The following OTOF variants were observed in gnomAD, a reference collection of about 807,000 sequenced individuals.
The protein encoded by OTOF is fer-1-like family member 2.
In OTOF, 218 loss-of-function variants were observed where a neutral mutation model predicts 236.8. The ratio of observed to expected loss-of-function variants is 0.92; its 90% CI spans 0.82 to 1.03. OTOF has a LOEUF of 1.03. Among genes scored for constraint, OTOF ranks in the 50% least tolerant of loss-of-function variants. The pLI is 0.00. For synonymous variants in OTOF, 1,041 were observed against 1,072.5 expected, an observed-to-expected ratio of 0.97 and a Z score of 0.57; for missense variants, 2,590 against 2,694.4, an observed-to-expected ratio of 0.96 and a Z score of 0.86.
intron 11 of OTOF, among the ~76,000 whole-genome samples, chr2:26,487,892 G>T (rs1469394317): frequency 6.6e-6 from 1 of 152,242 alleles, no homozygotes; most frequent in Non-Finnish European, 1.5e-5. Context: ...GAGGGCTATG[G>T]CATGTGTGGG....
intron 36 of OTOF, 73 bp downstream of exon 36, chr2:26,466,641 T>G: frequency 1.9e-6 from 3 of 1,571,672 alleles, no homozygotes; most frequent in South Asian, 1.1e-5. Flanking sequence ...CTGGCCAGTA[T>G]GCAGCTTCTT....
chr2:26,491,529 C>G (rs1179319231), intron 9 of OTOF, among the ~76,000 whole-genome samples: 1 of 152,134 alleles, frequency 6.6e-6, no homozygotes, highest in Non-Finnish European at 1.5e-5. Context: ...GAAGAAGGGG[C>G]TGGAAGAAAA....
chr2:26,478,195 G>A (rs1572432661), intron 18 of OTOF, among the ~76,000 whole-genome samples: 1 of 152,142 alleles, frequency 6.6e-6, no homozygotes, highest in Non-Finnish European at 1.5e-5. Flanking sequence ...GAGAGCACTG[G>A]GAGGGCTGTG....
chr2:26,533,725 C>T (rs956604658), intron 2 of OTOF, among the ~76,000 whole-genome samples: 9 of 152,166 alleles, frequency 5.9e-5, no homozygotes, highest in East Asian at 1.9e-4. Flanking sequence ...TGAGCCCACT[C>T]GGTCTGGGCA....
chr2:26,510,914 T>G (rs985183696), intron 5 of OTOF, among the ~76,000 whole-genome samples: 44 of 152,334 alleles, frequency 2.9e-4, no homozygotes, highest in African/African-American at 9.9e-4. Context: ...AGCCTAGGTC[T>G]GCAGAAAAGG....
intron 3 of OTOF, among the ~76,000 whole-genome samples, chr2:26,524,844 T>A (rs1001499779): frequency 6.6e-6 from 1 of 152,220 alleles, no homozygotes; most frequent in Non-Finnish European, 1.5e-5. Flanking sequence ...TGAGACTTGG[T>A]TTCCCCTCCT....
rs1572411469 is a variant in OTOF, at chr2:26,467,400, G to A, written c.4192C>T (p.Pro1398Ser). 1 of 1,613,758 alleles carries A rather than the reference G, an allele frequency of 6.2e-7. No individual in the cohort carries two copies. The highest frequency in any genetic ancestry group is 8.5e-7 in the Non-Finnish European group (1 of 1,179,978). Residue 1398 changes from proline (P) to serine (S), a missense_variant, in exon 34 of 47, where the codon CCC becomes TCC. This residue lies in a region of OTOF where 1,211 missense variants were observed against 1,352.8 expected (regional missense o/e 0.90). Coordinates refer to ENST00000272371, the MANE Select transcript of OTOF (RefSeq NM_194248.3). ...TCAATCTTGGGTTTCTTCTTCTCGGGGGCCTCGGACCCCTGGCCAGAGCCA... is the reference window on the plus strand; with the variant it reads ...TCAATCTTGGGTTTCTTCTTCTCGGAGGCCTCGGACCCCTGGCCAGAGCCA... ...SSGSGQGSEA[P>S]EKKKPKIDEL...
At chr2:26,518,865 G>C in intron 4 of OTOF, 145 bp downstream of exon 4, 1 of 706,196 alleles carries the variant, frequency 1.4e-6, no homozygotes, top group Non-Finnish European at 2.6e-6. Flanking sequence ...CATTCCAGCA[G>C]AGTCTGACCT....
chr2:26,542,388 C>T (rs776682512), intron 1 of OTOF, among the ~76,000 whole-genome samples: 8 of 152,066 alleles, frequency 5.3e-5, no homozygotes, highest in Non-Finnish European at 1.2e-4. Context: ...CCTTTAAGAG[C>T]GTATTACAAT....
chr2:26,515,293 C>T (rs755101946), intron 5 of OTOF, among the ~76,000 whole-genome samples: 2 of 152,236 alleles, frequency 1.3e-5, no homozygotes, highest in African/African-American at 2.4e-5. Flanking sequence ...CCTGGGGCTG[C>T]CCCATGCCCG....
At chr2:26,476,352 G>C in intron 22 of OTOF, 35 bp from the exon 23 acceptor site, 1 of 1,589,050 alleles carries the variant, frequency 6.3e-7, no homozygotes, top group Non-Finnish European at 8.5e-7. Flanking sequence ...GGAGCCTGAC[G>C]GCTGCCAGGG....
At chr2:26,482,048 T>C (rs372071728) in intron 14 of OTOF, among the ~76,000 whole-genome samples, 2 of 152,198 alleles carry the variant, frequency 1.3e-5, no homozygotes, top group Admixed American at 1.3e-4. Context: ...CATATATATA[T>C]ACACACACAC....
chr2:26,497,243 T>C (rs896124914), intron 8 of OTOF, among the ~76,000 whole-genome samples: 4 of 152,000 alleles, frequency 2.6e-5, no homozygotes, highest in Admixed American at 2.6e-4. Flanking sequence ...GCTGGGATTA[T>C]AGGCGCCTGC....
At chr2:26,495,138 G>C (rs1446004491) in intron 8 of OTOF, 65 bp from the exon 9 acceptor site, 2 of 1,591,180 alleles carry the variant, frequency 1.3e-6, no homozygotes, top group Admixed American at 3.4e-5. Flanking sequence ...GGTCCCGCAG[G>C]GGTCCAGGGG....
In OTOF at chr2:26,477,224, TTGTCCCGCACCG is replaced by T; in HGVS notation, c.2459_2470del (p.Thr820_Asp823del). On this transcript the variant is annotated inframe_deletion, in exon 21 of 47. Transcript: ENST00000272371. The surrounding 1 kb of genome is among the most constrained non-coding windows in gnomAD (Gnocchi z 4.7). Reference sequence around the variant, plus strand: ...CAGGAAGTTCTGGCACAGCCTCAGCTTGTCCCGCACCGTGTGCCGCTTCACCTGGGCCCGCAG... The same window carrying T: ...CAGGAAGTTCTGGCACAGCCTCAGCTTGTGCCGCTTCACCTGGGCCCGCAG... 1 of 1,610,576 alleles carries T rather than the reference TTGTCCCGCACCG, an allele frequency of 6.2e-7. No homozygotes were observed. The highest frequency in any genetic ancestry group is 8.5e-7 in the Non-Finnish European group (1 of 1,179,514).
intron 3 of OTOF, among the ~76,000 whole-genome samples, chr2:26,527,097 C>T (rs914784494): frequency 2.0e-5 from 3 of 152,202 alleles, no homozygotes; most frequent in Non-Finnish European, 4.4e-5. Flanking sequence ...TTATTGAACA[C>T]CTTATAGTGA....
In OTOF at chr2:26,461,588, A is replaced by C. The variant is rs1391344103; in HGVS notation, c.5533+108T>G. On this transcript the variant is annotated intron_variant, in intron 43 of 46. Transcript: ENST00000272371. This position sits in a 1 kb window ranked among gnomAD's most constrained non-coding sequence, Gnocchi z 6.2. ...CCCCTGGCTCTGATGGACTGGAAGC[A>C]ATGACCCCTTGTCCCCCCAAGGCAG... The C allele has an allele frequency of 2.0e-6, 3 of 1,479,466 alleles. No homozygotes were observed. The highest frequency in any genetic ancestry group is 2.8e-6 in the Non-Finnish European group (3 of 1,077,816). 91.6% of individuals were successfully genotyped at this position (1,479,466 alleles called of 1,614,324 possible). A position where few individuals can be genotyped will look rare whatever the true frequency, so the allele number is the denominator to read the frequency against.
intron 38 of OTOF, among the ~76,000 whole-genome samples, chr2:26,465,373 C>T (rs1664676345): frequency 6.6e-6 from 1 of 152,228 alleles, no homozygotes; most frequent in African/African-American, 2.4e-5. Context: ...AGTGGCAGAG[C>T]TGGCCCAGAT....
intron 25 of OTOF, among the ~76,000 whole-genome samples, chr2:26,475,098 C>G (rs1469452516): frequency 6.6e-6 from 1 of 152,000 alleles, no homozygotes; most frequent in Non-Finnish European, 1.5e-5. Context: ...GACAGCAGGA[C>G]TTGCTGGCAC....
Sources: gnomAD v4.1 joint callset for allele counts (sites outside exome capture counted in the v4.1 genomes callset) on GRCh38, gnomAD v4.1.1 for gene constraint, gnomAD v4.1.1 regional missense constraint, Gnocchi (gnomAD v3.1) non-coding constraint, MANE v1.5 for transcripts, NCBI Gene and HGNC (gene_info 2026-07-23, HGNC 2026-07-21) for gene names.